PRKN: variants seen among roughly 807,000 people sequenced by gnomAD.
PRKN encodes the protein E3 ubiquitin-protein ligase parkin.
A neutral mutation model predicts 59.5 loss-of-function variants in PRKN; 56 were observed. The ratio of observed to expected loss-of-function variants is 0.94; its 90% confidence interval spans 0.76 to 1.18. The LOEUF (loss-of-function observed/expected upper bound fraction) is 1.18, where lower values mean the gene tolerates loss of function less well. PRKN is among the 50% of genes most tolerant of loss of function. The probability of loss-of-function intolerance (pLI) is 0.00; values close to 1 mark genes in which losing one functional copy is unlikely to be tolerated. For missense variants in PRKN, 657 were observed against 596.4 expected (o/e 1.10, Z -1.06); for synonymous variants, 250 against 222.1 (o/e 1.13, Z -1.12).
rs1052551995 is a variant in PRKN at position 162,072,816 on chromosome 6, A to G, written c.535-18642T>C. On this transcript the variant is annotated intron_variant, in intron 4 of 11. Coordinates refer to ENST00000366898, the MANE Select transcript of PRKN (RefSeq NM_004562.3). The stretch of plus-strand genomic sequence containing the variant: ...AATGTGGAAATAACAATTGCACGTA[A>G]CAAACAGGACTGATAGTTAAATGAG... Among the ~76,000 whole-genome samples the G allele has an allele frequency of 2.6e-5, 4 of 152,330 alleles. No individual in the cohort carries two copies. The East Asian group carries it at 7.7e-4, about 29-fold the overall frequency.
intron 1 of PRKN, among the ~76,000 whole-genome samples, chr6:162,508,198 C>T (rs192225205): frequency 2.6e-3 from 400 of 152,234 alleles, no homozygotes; most frequent in African/African-American, 9.2e-3. Flanking sequence ...CCCATTAGAC[C>T]TCCTGAGACT....
At chr6:162,475,582 TGA>T (rs1264453763) in intron 1 of PRKN, among the ~76,000 whole-genome samples, 4 of 106,808 alleles carry the variant, frequency 3.7e-5, no homozygotes, top group Non-Finnish European at 5.9e-5. Context: ...TGTGTGTGCA[TGA>T]GTGTGTGTGT....
chr6:161,455,707 C>CA (rs1168642880), intron 9 of PRKN, among the ~76,000 whole-genome samples: 3 of 151,540 alleles, frequency 2.0e-5, no homozygotes, highest in Non-Finnish European at 2.9e-5. Context: ...CTACTAAATA[C>CA]AAAAAATTAG....
intron 5 of PRKN, among the ~76,000 whole-genome samples, chr6:161,981,619 G>T (rs1485637065): frequency 3.3e-5 from 5 of 152,154 alleles, no homozygotes; most frequent in African/African-American, 1.2e-4. Context: ...AAATAGCCAT[G>T]GCAAAGCCTG....
In PRKN at chr6:161,413,523, G is replaced by A. The variant is rs574190415; in HGVS notation, c.1084-26646C>T. 4.4e-4 allele frequency among the ~76,000 whole-genome samples: 67 copies of A among 152,274 alleles called. No homozygotes were observed. Among genetic ancestry groups the A allele is most frequent in the African/African-American group, 1.3e-3 (53 of 41,548 alleles). ...GCAGTGAGAACTGGGGGAGAAGGCC[G>A]GAACCTGGCGGGCTCATGTGGGCAC... is the stretch of plus-strand genomic sequence containing the variant. On this transcript the variant is annotated intron_variant, in intron 9 of 11. Transcript: ENST00000366898. The surrounding 1 kb of genome is among the most constrained non-coding windows in gnomAD (Gnocchi z 4.4).
chr6:162,096,825 G>A (rs1201216474), intron 4 of PRKN, among the ~76,000 whole-genome samples: 2 of 145,860 alleles, frequency 1.4e-5, no homozygotes, highest in South Asian at 2.2e-4. Flanking sequence ...ATCAGAGTGT[G>A]AGAATGGACT....
intron 5 of PRKN, among the ~76,000 whole-genome samples, chr6:162,046,538 T>A (rs1784257459): frequency 6.6e-6 from 1 of 152,268 alleles, no homozygotes; most frequent in South Asian, 2.1e-4. Context: ...GTGTGAACAC[T>A]GTTATTTCAC....
At chr6:162,508,939 T>C (rs188816070) in intron 1 of PRKN, among the ~76,000 whole-genome samples, 9 of 152,270 alleles carry the variant, frequency 5.9e-5, no homozygotes, top group Admixed American at 3.3e-4. Flanking sequence ...GAAGACTTCA[T>C]AGAGATATTT....
intron 1 of PRKN, among the ~76,000 whole-genome samples, chr6:162,706,617 G>A (rs1034131044): frequency 6.6e-6 from 1 of 152,188 alleles, no homozygotes; most frequent in Admixed American, 6.5e-5. Context: ...CAAGCGATCT[G>A]ACCTCTTGGT....
At chr6:162,280,065 C>G (rs1409790804) in intron 2 of PRKN, among the ~76,000 whole-genome samples, 2 of 152,050 alleles carry the variant, frequency 1.3e-5, no homozygotes, top group Admixed American at 6.6e-5. Flanking sequence ...CTGTGTGTCT[C>G]TGCACATGGG....
chr6:161,881,559 G>C (rs1218274629), intron 6 of PRKN, among the ~76,000 whole-genome samples: 1 of 152,158 alleles, frequency 6.6e-6, no homozygotes, highest in African/African-American at 2.4e-5. Context: ...AGGACAAATG[G>C]GAAGAGCGTT....
chr6:161,440,827 G>T lies in PRKN; in HGVS notation c.1084-53950C>A, dbSNP rs1789171733. On this transcript the variant is annotated intron_variant, in intron 9 of 11. Transcript: ENST00000366898. This position sits in a 1 kb window ranked among gnomAD's most constrained non-coding sequence, Gnocchi z 4.1. Reference sequence around the variant, plus strand: ...TGGGTTTTCTGAGGGTTCTTTATTTGTCTTCGAGAATATTAAAGACCAGCA... The same window carrying T: ...TGGGTTTTCTGAGGGTTCTTTATTTTTCTTCGAGAATATTAAAGACCAGCA... Among the ~76,000 whole-genome samples, 1 of 152,140 alleles carries T rather than the reference G, an allele frequency of 6.6e-6. No homozygotes were observed. The highest frequency in any genetic ancestry group is 2.1e-4 in the South Asian group (1 of 4,832).
intron 2 of PRKN, among the ~76,000 whole-genome samples, chr6:162,439,840 A>C (rs1789968294): frequency 2.0e-5 from 3 of 152,128 alleles, no homozygotes; most frequent in Non-Finnish European, 4.4e-5. Context: ...AGTACATATT[A>C]CATATGAAAA....
intron 7 of PRKN, among the ~76,000 whole-genome samples, chr6:161,777,899 C>CGTATATATGT (rs1790024631): frequency 1.7e-5 from 2 of 115,480 alleles, no homozygotes; most frequent in African/African-American, 3.2e-5. Context: ...TATATGTATA[C>CGTATATATGT]ATATATATGT....
intron 2 of PRKN, among the ~76,000 whole-genome samples, chr6:162,433,396 C>A (rs532363208): frequency 1.3e-5 from 2 of 152,162 alleles, no homozygotes; most frequent in East Asian, 3.9e-4. Flanking sequence ...TCTAGTTGAA[C>A]TCTTAAGTGA....
At chr6:161,816,225 T>A (rs565758067) in intron 6 of PRKN, among the ~76,000 whole-genome samples, 3 of 152,106 alleles carry the variant, frequency 2.0e-5, no homozygotes, top group Non-Finnish European at 4.4e-5. Context: ...CTTAAAATAA[T>A]GATGCTGTGT....
chr6:161,615,899 T>A (rs938021262), intron 7 of PRKN, among the ~76,000 whole-genome samples: 2 of 152,232 alleles, frequency 1.3e-5, no homozygotes, highest in Non-Finnish European at 2.9e-5. Context: ...CTTTTTGTTA[T>A]GTGAGGAAAA....
At chr6:161,829,467 GCT>G (rs1390995909) in intron 6 of PRKN, among the ~76,000 whole-genome samples, 1 of 152,132 alleles carries the variant, frequency 6.6e-6, no homozygotes, top group South Asian at 2.1e-4. Context: ...TGATCTTTAG[GCT>G]CTCTGTGCTC....
Position 162,708,508 on chromosome 6 carries a change from C to T in PRKN, c.7+19154G>A, listed in dbSNP as rs553984022. ...GGCAGGAAAGCTGCTTCCTTTGAAA[C>T]AACCTAACACGGCTTTCATGACACT... On this transcript the variant is annotated intron_variant, in intron 1 of 11. Transcript: ENST00000366898. Among the ~76,000 whole-genome samples, 18 of 152,334 alleles carry T rather than the reference C, an allele frequency of 1.2e-4. 1 individual carries two copies. In the South Asian group the frequency reaches 3.7e-3, roughly 32 times the overall value.
Sources: gnomAD v4.1 joint callset for allele counts (sites outside exome capture counted in the v4.1 genomes callset) on GRCh38, gnomAD v4.1.1 for gene constraint, Gnocchi (gnomAD v3.1) non-coding constraint, MANE v1.5 for transcripts, NCBI Gene and HGNC (gene_info 2026-07-23, HGNC 2026-07-21) for gene names.